Variants in KCNIP4 observed in about 807,000 individuals in gnomAD.
KCNIP4 encodes potassium voltage-gated channel interacting protein 4.
Under a neutral mutation model 34.0 loss-of-function variants are expected in KCNIP4, and 12 were observed. The ratio of observed to expected loss-of-function variants is 0.35; its 90% CI spans 0.23 to 0.57. The LOEUF (loss-of-function observed/expected upper bound fraction) is 0.57. KCNIP4 is among the 20% of genes least tolerant of loss of function. KCNIP4 has a pLI of 0.83. For missense variants in KCNIP4, 238 were observed against 311.7 expected, an observed-to-expected ratio of 0.76 and a Z score of 1.78; for synonymous variants, 124 against 102.2, an observed-to-expected ratio of 1.21 and a Z score of -1.29.
chr4:21,147,650 G>A lies in KCNIP4; in HGVS notation c.62-264941C>T, dbSNP rs112616247. 1.4e-3 allele frequency among the ~76,000 whole-genome samples: 217 copies of A among 152,116 alleles called. 3 individuals carry two copies. The highest frequency in any genetic ancestry group is 4.7e-3 in the African/African-American group (197 of 41,508). On this transcript the variant is annotated intron_variant, in intron 1 of 8. Transcript: ENST00000382152. Reference sequence around the variant, plus strand: ...TATTCCAGGCCATTAAAAGCATCAAGTACTTTGGCCAGGCGCGGTGGCTCA... The same window carrying A: ...TATTCCAGGCCATTAAAAGCATCAAATACTTTGGCCAGGCGCGGTGGCTCA...
At chr4:21,259,252 C>T (rs1384270386) in intron 1 of KCNIP4, among the ~76,000 whole-genome samples, 4 of 152,292 alleles carry the variant, frequency 2.6e-5, no homozygotes, top group South Asian at 2.1e-4. Context: ...GCATTACATC[C>T]GTGAATGCCT....
chr4:21,763,317 C>G (rs1039376159), intron 1 of KCNIP4, among the ~76,000 whole-genome samples: 1 of 152,160 alleles, frequency 6.6e-6, no homozygotes, highest in African/African-American at 2.4e-5. Flanking sequence ...TGGTTATATA[C>G]ATAGAGACAA....
intron 1 of KCNIP4, chr4:21,845,503 T>C (rs1057054961): frequency 1.3e-5 from 2 of 152,082 alleles, no homozygotes; most frequent in African/African-American, 2.4e-5. Flanking sequence ...TCCTAAATCA[T>C]AACCACGATT....
intron 8 of KCNIP4, among the ~76,000 whole-genome samples, chr4:20,730,371 T>TAAATCTTTACTTGGTATTAATA (rs1369950737): frequency 1.3e-5 from 2 of 152,218 alleles, no homozygotes; most frequent in African/African-American, 4.8e-5. Flanking sequence ...CCACTTTATT[T>TAAATCTTTACTTGGTATTAATA]AAATCTTTAC....
intron 2 of KCNIP4, among the ~76,000 whole-genome samples, chr4:20,868,052 A>G (rs559949950): frequency 6.6e-6 from 1 of 152,248 alleles, no homozygotes; most frequent in East Asian, 1.9e-4. Context: ...AACAAAGCCA[A>G]CAGGTAACCT....
At position 21,501,244 on chromosome 4, in the gene KCNIP4, T is replaced by TCA. The variant is rs755377009; in HGVS notation, c.61+447326_61+447327insTG. 9.3e-3 allele frequency among the ~76,000 whole-genome samples: 1,322 copies of TCA among 142,462 alleles called. 16 individuals are homozygous for TCA. Among genetic ancestry groups the TCA allele is most frequent in the African/African-American group, 0.034 (1,220 of 36,058 alleles). 93.5% of individuals were successfully genotyped at this position (142,462 alleles called of 152,430 possible). A position where few individuals can be genotyped will look rare whatever the true frequency, so the allele number is the denominator to read the frequency against. ...GCCTTTCTCTCTCTCTCTCTCTCTC[T>TCA]CTCTCACACACACACACACACACAC... On this transcript the variant is annotated intron_variant, in intron 1 of 8. Coordinates refer to ENST00000382152, the MANE Select transcript of KCNIP4 (RefSeq NM_025221.6).
intron 1 of KCNIP4, among the ~76,000 whole-genome samples, chr4:21,581,514 C>T (rs953559496): frequency 5.3e-5 from 8 of 151,932 alleles, no homozygotes; most frequent in Non-Finnish European, 2.9e-5. Flanking sequence ...TTGCCAGTCT[C>T]AAGTCTCTGT....
chr4:20,960,878 A>G (rs988348059), intron 1 of KCNIP4, among the ~76,000 whole-genome samples: 1 of 152,202 alleles, frequency 6.6e-6, no homozygotes, highest in Non-Finnish European at 1.5e-5. Context: ...GCAGTTTTAA[A>G]TGGAAAGATT....
chr4:20,843,603 G>A (rs975388935), intron 3 of KCNIP4, among the ~76,000 whole-genome samples: 8 of 152,108 alleles, frequency 5.3e-5, no homozygotes, highest in Non-Finnish European at 8.8e-5. Context: ...GGTAGTGCAC[G>A]CCTGTAATCC....
chr4:21,228,427 C>G (rs539882841), intron 1 of KCNIP4, among the ~76,000 whole-genome samples: 66 of 152,162 alleles, frequency 4.3e-4, no homozygotes, highest in Non-Finnish European at 8.5e-4. Flanking sequence ...GTCAATGAAA[C>G]CTCTCTTCTT....
At chr4:21,380,777 A>G (rs1177224468) in intron 1 of KCNIP4, among the ~76,000 whole-genome samples, 1 of 151,706 alleles carries the variant, frequency 6.6e-6, no homozygotes, top group Non-Finnish European at 1.5e-5. Context: ...CTCAAAACTG[A>G]TTTTCCTCCA....
intron 1 of KCNIP4, among the ~76,000 whole-genome samples, chr4:21,857,509 T>G (rs577021877): frequency 1.3e-5 from 2 of 151,976 alleles, no homozygotes; most frequent in African/African-American, 2.4e-5. Flanking sequence ...GGGTTTTCTC[T>G]CTGCTGAGAG....
At chr4:20,917,542 A>T (rs1190991143) in intron 1 of KCNIP4, among the ~76,000 whole-genome samples, 1 of 152,194 alleles carries the variant, frequency 6.6e-6, no homozygotes, top group Non-Finnish European at 1.5e-5. Context: ...ATTCACATTA[A>T]TCATTCCATA....
intron 1 of KCNIP4, among the ~76,000 whole-genome samples, chr4:21,263,594 T>G (rs1761608034): frequency 6.6e-6 from 1 of 152,194 alleles, no homozygotes; most frequent in Non-Finnish European, 1.5e-5. Flanking sequence ...CACCACCACT[T>G]TCTGTTCCTG....
At chr4:21,147,956 A>AAAAAAAAAAAAAAAAAAAAAG (rs1553945843) in intron 1 of KCNIP4, among the ~76,000 whole-genome samples, 15 of 128,432 alleles carry the variant, frequency 1.2e-4, no homozygotes, top group African/African-American at 2.8e-4. Flanking sequence ...AAAAAAAAAA[A>AAAAAAAAAAAAAAAAAAAAAG]AAAAGAAAAA....
chr4:21,309,314 T>C lies in KCNIP4; in HGVS notation c.62-426605A>G, dbSNP rs185663572. On this transcript the variant is annotated intron_variant, in intron 1 of 8. Transcript: ENST00000382152. ...CCTTCATTCAGTTTGTTTCTGATTG[T>C]TCATCTTTCATTCAATTGCTAAAGT... is the stretch of plus-strand genomic sequence containing the variant. Among the ~76,000 whole-genome samples the C allele has an allele frequency of 1.6e-3, 237 of 152,266 alleles. 3 individuals carry two copies. The highest frequency in any genetic ancestry group is 5.0e-3 in the African/African-American group (208 of 41,554).
intron 1 of KCNIP4, among the ~76,000 whole-genome samples, chr4:21,057,317 G>A (rs1414730755): frequency 6.6e-6 from 1 of 152,132 alleles, no homozygotes; most frequent in East Asian, 1.9e-4. Flanking sequence ...GAAACACATA[G>A]TTCTGTCATA....
At chr4:21,075,331 G>A (rs1745382856) in intron 1 of KCNIP4, among the ~76,000 whole-genome samples, 1 of 152,102 alleles carries the variant, frequency 6.6e-6, no homozygotes, top group African/African-American at 2.4e-5. Flanking sequence ...CTTGTATTGG[G>A]TGCATATATA....
rs147631087 is a variant in KCNIP4, at chr4:21,020,638, T to C, written c.62-137929A>G. On this transcript the variant is annotated intron_variant, in intron 1 of 8. Coordinates refer to ENST00000382152, the MANE Select transcript of KCNIP4 (RefSeq NM_025221.6). Reference sequence around the variant, plus strand: ...GAGCTTGCTTTTTAAAAACAATTACTTCAGGAATCTGGTATCCAGAAGAAA... The same window carrying C: ...GAGCTTGCTTTTTAAAAACAATTACCTCAGGAATCTGGTATCCAGAAGAAA... Among the ~76,000 whole-genome samples, 1,142 of 152,250 alleles carry C rather than the reference T, an allele frequency of 7.5e-3. 11 individuals carry two copies. Among genetic ancestry groups the C allele is most frequent in the African/African-American group, 0.026 (1,068 of 41,550 alleles).
Sources: gnomAD v4.1 joint callset for allele counts (sites outside exome capture counted in the v4.1 genomes callset) on GRCh38, gnomAD v4.1.1 for gene constraint, MANE v1.5 for transcripts, NCBI Gene and HGNC (gene_info 2026-07-23, HGNC 2026-07-21) for gene names.